KCMF1: variants seen among roughly 807,000 people sequenced by gnomAD.
KCMF1 encodes E3 ubiquitin-protein ligase KCMF1.
KCMF1 carries 3 observed loss-of-function variants against 41.1 expected under a neutral mutation model. The observed-to-expected ratio is 0.07, with a 90% confidence interval of 0.03 to 0.19. KCMF1 has a LOEUF of 0.19. KCMF1 is among the 10% of genes least tolerant of loss of function. The probability of loss-of-function intolerance (pLI) is 1.00; values close to 1 mark genes in which losing one functional copy is unlikely to be tolerated. For synonymous variants in KCMF1, 142 were observed against 164.5 expected, an observed-to-expected ratio of 0.86 and a Z score of 1.04; for missense variants, 286 against 488.9, an observed-to-expected ratio of 0.58 and a Z score of 3.91.
intron 1 of KCMF1, among the ~76,000 whole-genome samples, chr2:85,027,087 C>T (rs1210915557): frequency 6.6e-6 from 1 of 152,108 alleles, no homozygotes; most frequent in Non-Finnish European, 1.5e-5. Flanking sequence ...TTTTGTGCCC[C>T]TAGGGCAGGG....
chr2:85,006,669 A>G (rs1013570710), intron 1 of KCMF1, among the ~76,000 whole-genome samples: 2 of 152,136 alleles, frequency 1.3e-5, no homozygotes, highest in South Asian at 2.1e-4. Context: ...TTAAAGACAT[A>G]TGGCCAGCCA....
intron 1 of KCMF1, among the ~76,000 whole-genome samples, chr2:84,974,434 A>G (rs1673479631): frequency 6.6e-6 from 1 of 151,884 alleles, no homozygotes; most frequent in South Asian, 2.1e-4. Context: ...TTGAAGGCTC[A>G]ACCTTGTGAA....
intron 1 of KCMF1, among the ~76,000 whole-genome samples, chr2:85,020,805 T>C (rs1399229938): frequency 6.6e-6 from 1 of 152,248 alleles, no homozygotes; most frequent in Non-Finnish European, 1.5e-5. Context: ...AGTAATACTT[T>C]CTTTGCCCAC....
intron 1 of KCMF1, among the ~76,000 whole-genome samples, chr2:85,014,629 CAG>C (rs1340994834): frequency 1.3e-5 from 2 of 150,984 alleles, no homozygotes; most frequent in African/African-American, 2.4e-5. Flanking sequence ...ATTTTCAAAA[CAG>C]AGCAGTTTCT....
At chr2:85,011,143 T>C (rs1234703133) in intron 1 of KCMF1, among the ~76,000 whole-genome samples, 2 of 152,018 alleles carry the variant, frequency 1.3e-5, no homozygotes, top group South Asian at 2.1e-4. Context: ...GCCCGGCCAG[T>C]CTATTACTTT....
At chr2:85,038,681 T>G (rs1224968859) in intron 3 of KCMF1, among the ~76,000 whole-genome samples, 1 of 152,132 alleles carries the variant, frequency 6.6e-6, no homozygotes, top group African/African-American at 2.4e-5. Context: ...TATGATGGCT[T>G]TAAATTTAGA....
At chr2:85,035,638 T>G (rs571333049) in intron 3 of KCMF1, among the ~76,000 whole-genome samples, 1 of 152,306 alleles carries the variant, frequency 6.6e-6, no homozygotes, top group Non-Finnish European at 1.5e-5. Context: ...GCTTCCTAGG[T>G]CAAGCTCTGG....
chr2:85,003,088 C>T (rs188600747), intron 1 of KCMF1, among the ~76,000 whole-genome samples: 9 of 152,204 alleles, frequency 5.9e-5, no homozygotes, highest in Admixed American at 4.6e-4. Flanking sequence ...CTAATATTGA[C>T]GCTAAGGTTT....
chr2:85,013,678 A>C (rs1674700900), intron 1 of KCMF1, among the ~76,000 whole-genome samples: 1 of 151,964 alleles, frequency 6.6e-6, no homozygotes. Flanking sequence ...CGCACTTGTA[A>C]TCCCAGCTAC....
Position 85,034,068 on chromosome 2 carries a change from C to T in KCMF1, c.185-948C>T, listed in dbSNP as rs545589445. Among the ~76,000 whole-genome samples, 3 of 151,524 alleles carry T rather than the reference C, an allele frequency of 2.0e-5. No individual in the cohort carries two copies. The South Asian group carries it at 6.3e-4, about 32-fold the overall frequency. On this transcript the variant is annotated intron_variant, in intron 2 of 6. Transcript: ENST00000409785. The stretch of plus-strand genomic sequence containing the variant: ...TTAATTAGCCGGATGTGATGGCACA[C>T]ACCTGTAGTTCAGTTATGTTGGAGG...
chr2:85,044,892 A>G (rs930389323), intron 4 of KCMF1, among the ~76,000 whole-genome samples: 9 of 152,198 alleles, frequency 5.9e-5, no homozygotes, highest in African/African-American at 2.2e-4. Flanking sequence ...TTACTGGCCT[A>G]CCAGAGCGAT....
chr2:84,993,684 T>G (rs1302702268), intron 1 of KCMF1, among the ~76,000 whole-genome samples: 1 of 151,790 alleles, frequency 6.6e-6, no homozygotes, highest in Admixed American at 6.6e-5. Flanking sequence ...CAAGCGATTC[T>G]GCTGCCTCAG....
At chr2:85,023,080 G>A (rs1674986794) in intron 1 of KCMF1, among the ~76,000 whole-genome samples, 1 of 151,134 alleles carries the variant, frequency 6.6e-6, no homozygotes, top group Non-Finnish European at 1.5e-5. Context: ...GTAGAGACGG[G>A]GTTTCACTGT....
chr2:85,008,291 T>TCATATATAATATATCATATGATATATA (rs1553379312), intron 1 of KCMF1, among the ~76,000 whole-genome samples: 1 of 14,624 alleles, frequency 6.8e-5, no homozygotes, highest in Admixed American at 1.1e-3. Context: ...TGATATATAA[T>TCATATATAATATATCATATGATATATA]ATATATAATA....
chr2:85,004,042 T>A (rs1303579367), intron 1 of KCMF1, among the ~76,000 whole-genome samples: 1 of 152,148 alleles, frequency 6.6e-6, no homozygotes, highest in African/African-American at 2.4e-5. Flanking sequence ...TGGGCAGGTA[T>A]ACAGCACAGA....
At chr2:85,014,862 A>G (rs963227249) in intron 1 of KCMF1, among the ~76,000 whole-genome samples, 1 of 151,060 alleles carries the variant, frequency 6.6e-6, no homozygotes, top group Admixed American at 6.6e-5. Flanking sequence ...TCCCAAAGCC[A>G]CCTGTTTCCC....
chr2:85,041,215 T>G (rs1286332626), intron 3 of KCMF1, among the ~76,000 whole-genome samples: 5 of 152,340 alleles, frequency 3.3e-5, no homozygotes, highest in African/African-American at 1.2e-4. Flanking sequence ...GAAGCAGTTC[T>G]GAATACCTTC....
chr2:85,045,715 T>G (rs527658480), intron 4 of KCMF1, among the ~76,000 whole-genome samples: 1 of 152,314 alleles, frequency 6.6e-6, no homozygotes, highest in African/African-American at 2.4e-5. Context: ...TGCAAATCTG[T>G]TTTCTGCTTA....
At chr2:85,025,561 A>G (rs1164418986) in intron 1 of KCMF1, among the ~76,000 whole-genome samples, 1 of 152,036 alleles carries the variant, frequency 6.6e-6, no homozygotes, top group East Asian at 1.9e-4. Context: ...CCACTGTTCT[A>G]CTTTCCTTCT....
Sources: gnomAD v4.1 joint callset for allele counts (sites outside exome capture counted in the v4.1 genomes callset) on GRCh38, gnomAD v4.1.1 for gene constraint, MANE v1.5 for transcripts, NCBI Gene and HGNC (gene_info 2026-07-23, HGNC 2026-07-21) for gene names.